The following PPP2R5E variants were observed in gnomAD, a reference collection of about 807,000 sequenced individuals.
PPP2R5E encodes the protein protein phosphatase 2 regulatory subunit B'epsilon.
In PPP2R5E, 4 loss-of-function variants were observed where a neutral mutation model predicts 65.3. The observed-to-expected ratio is 0.06, with a 90% CI of 0.03 to 0.14. PPP2R5E has a LOEUF of 0.14. PPP2R5E is among the 10% of genes least tolerant of loss of function. The pLI is 1.00. For missense variants in PPP2R5E, 274 were observed against 556.1 expected (o/e 0.49, Z 5.10); for synonymous variants, 183 against 187.4 (o/e 0.98, Z 0.19).
chr14:63,492,125 C>T (rs1891312787), intron 2 of PPP2R5E, among the ~76,000 whole-genome samples: 1 of 152,090 alleles, frequency 6.6e-6, no homozygotes, highest in African/African-American at 2.4e-5. Context: ...ACCCGACCTA[C>T]AGCTTACTAC....
At chr14:63,383,676 T>G (rs1158433274) in intron 12 of PPP2R5E, among the ~76,000 whole-genome samples, 3 of 152,174 alleles carry the variant, frequency 2.0e-5, no homozygotes, top group African/African-American at 7.2e-5. Context: ...CTGAATTGTA[T>G]CTCCCAATTT....
chr14:63,407,594 G>A (rs1287953841), intron 5 of PPP2R5E, among the ~76,000 whole-genome samples: 1 of 152,100 alleles, frequency 6.6e-6, no homozygotes, highest in Non-Finnish European at 1.5e-5. Flanking sequence ...AATAGGAAGT[G>A]AAGATCATCA....
chr14:63,490,207 G>T (rs375653127), intron 2 of PPP2R5E, among the ~76,000 whole-genome samples: 1 of 152,024 alleles, frequency 6.6e-6, no homozygotes, highest in South Asian at 2.1e-4. Context: ...AATAAATGGT[G>T]CTGGGAAAAC....
intron 2 of PPP2R5E, among the ~76,000 whole-genome samples, chr14:63,528,463 ACT>A (rs1893273225): frequency 6.6e-6 from 1 of 152,154 alleles, no homozygotes. Context: ...AAAAGGAATC[ACT>A]CTAAGTTTTT....
rs906698109 is a variant in PPP2R5E at position 63,384,954 on chromosome 14, A to T, written c.1075-383T>A. Among the ~76,000 whole-genome samples, 9 of 152,090 alleles carry T rather than the reference A, an allele frequency of 5.9e-5. No individual in the cohort carries two copies. In the East Asian group the frequency reaches 9.8e-4, roughly 17 times the overall value. ...CGTGATCCGCCCACCTCAGCCTCCC[A>T]AAAGTGTTGGGATTACAGGCGTGAA... On this transcript the variant is annotated intron_variant, in intron 11 of 13. Coordinates refer to ENST00000337537, the MANE Select transcript of PPP2R5E (RefSeq NM_006246.5).
chr14:63,463,763 C>CT (rs1453679559), intron 2 of PPP2R5E, among the ~76,000 whole-genome samples: 1 of 151,076 alleles, frequency 6.6e-6, no homozygotes, highest in Non-Finnish European at 1.5e-5. Context: ...TGCCCGGCTA[C>CT]TTTTTTGTAT....
chr14:63,399,366 C>CTTTTTTTTTTTT lies in PPP2R5E; in HGVS notation c.550-2662_550-2651dup, dbSNP rs397814218. ...GCTACTAATAGGTCTGGATTTCTTTCTTTTTTTTTTTTTTTTTTTTTTTTT... is the reference window on the plus strand; with the variant it reads ...GCTACTAATAGGTCTGGATTTCTTTCTTTTTTTTTTTTTTTTTTTTTTTTTTTTTTTTTTTTT... On this transcript the variant is annotated intron_variant, in intron 5 of 13. Transcript: ENST00000337537. Among the ~76,000 whole-genome samples the CTTTTTTTTTTTT allele has an allele frequency of 8.0e-4, 39 of 48,516 alleles. 8 individuals carry two copies. Among genetic ancestry groups the CTTTTTTTTTTTT allele is most frequent in the African/African-American group, 1.7e-3 (20 of 12,018 alleles). 31.8% of individuals were successfully genotyped at this position (48,516 alleles called of 152,430 possible). A position where few individuals can be genotyped will look rare whatever the true frequency, so the allele number is the denominator to read the frequency against.
At chr14:63,514,218 A>T (rs546798021) in intron 2 of PPP2R5E, among the ~76,000 whole-genome samples, 1 of 152,236 alleles carries the variant, frequency 6.6e-6, no homozygotes, top group African/African-American at 2.4e-5. Flanking sequence ...ATATCTGAAT[A>T]TCATATTTAT....
At chr14:63,389,869 T>C (rs2139774021) in intron 10 of PPP2R5E, 138 bp from the exon 11 acceptor site, 6 of 954,176 alleles carry the variant, frequency 6.3e-6, no homozygotes, top group Middle Eastern at 5.3e-4. Context: ...CCAGTCATTA[T>C]CCCATGTTAG....
chr14:63,518,997 T>C (rs1892774100), intron 2 of PPP2R5E, among the ~76,000 whole-genome samples: 1 of 152,174 alleles, frequency 6.6e-6, no homozygotes, highest in Admixed American at 6.5e-5. Context: ...GACAGGCAGA[T>C]CATCTGAGGT....
chr14:63,397,962 C>G (rs1345531034), intron 5 of PPP2R5E, among the ~76,000 whole-genome samples: 1 of 152,178 alleles, frequency 6.6e-6, no homozygotes, highest in Admixed American at 6.5e-5. Context: ...CTCCAGAACT[C>G]AGGTGATCCA....
At chr14:63,430,908 T>A (rs1458757695) in intron 3 of PPP2R5E, among the ~76,000 whole-genome samples, 1 of 152,228 alleles carries the variant, frequency 6.6e-6, no homozygotes, top group African/African-American at 2.4e-5. Flanking sequence ...GTCATCTATA[T>A]GAATTAACAC....
At chr14:63,526,303 C>T (rs370665054) in intron 2 of PPP2R5E, among the ~76,000 whole-genome samples, 4 of 152,090 alleles carry the variant, frequency 2.6e-5, no homozygotes, top group South Asian at 2.1e-4. Flanking sequence ...AATGGGCAAG[C>T]GAAATGGAGG....
intron 3 of PPP2R5E, among the ~76,000 whole-genome samples, chr14:63,429,416 T>C (rs1887504060): frequency 6.6e-6 from 1 of 152,196 alleles, no homozygotes; most frequent in South Asian, 2.1e-4. Flanking sequence ...ACTATATGAA[T>C]GATGATAAAC....
At chr14:63,499,347 G>A (rs903992043) in intron 2 of PPP2R5E, among the ~76,000 whole-genome samples, 3 of 152,200 alleles carry the variant, frequency 2.0e-5, no homozygotes, top group Non-Finnish European at 2.9e-5. Context: ...GGCTATGGCA[G>A]TAATAAGGAT....
intron 2 of PPP2R5E, 82 bp from the exon 3 acceptor site, chr14:63,453,967 CAAGCTAAAA>C (rs1459324452): frequency 9.1e-7 from 1 of 1,100,606 alleles, no homozygotes; most frequent in Middle Eastern, 2.6e-4. Flanking sequence ...ACTTCAAAGG[CAAGCTAAAA>C]AAAAATAAGA....
At chr14:63,414,198 T>C (rs1886563052) in intron 5 of PPP2R5E, among the ~76,000 whole-genome samples, 2 of 152,156 alleles carry the variant, frequency 1.3e-5, no homozygotes, top group Admixed American at 1.3e-4. Flanking sequence ...ATTAATTTAA[T>C]TAAGGAGGGA....
At chr14:63,523,548 A>T (rs1002897016) in intron 2 of PPP2R5E, among the ~76,000 whole-genome samples, 20 of 151,400 alleles carry the variant, frequency 1.3e-4, no homozygotes, top group African/African-American at 4.6e-4. Flanking sequence ...CCTAATCTCA[A>T]GTACCCAGGG....
chr14:63,496,070 A>C lies in PPP2R5E; in HGVS notation c.158-42185T>G, dbSNP rs138305690. Among the ~76,000 whole-genome samples, 966 of 152,252 alleles carry C rather than the reference A, an allele frequency of 6.3e-3. 15 individuals are homozygous for C. The highest frequency in any genetic ancestry group is 0.022 in the African/African-American group (928 of 41,562). ...TTTGCACTGTTCATTTTACATATTA[A>C]GTGTTGAAGATTTTTTTTGTTAAAT... On this transcript the variant is annotated intron_variant, in intron 2 of 13. Transcript: ENST00000337537.
Sources: allele counts gnomAD v4.1 joint callset (sites outside exome capture counted in the v4.1 genomes callset), GRCh38; gene constraint gnomAD v4.1.1; transcripts MANE v1.5; gene names NCBI Gene and HGNC (gene_info 2026-07-23, HGNC 2026-07-21).